PCDH15: variants seen among roughly 807,000 people sequenced by gnomAD.
PCDH15 encodes the protein protocadherin-15.
In PCDH15, 129 loss-of-function variants were observed where a neutral mutation model predicts 178.5. That is an observed-to-expected ratio of 0.72 (90% CI 0.63 to 0.84). PCDH15 has a LOEUF of 0.84. Ranked by LOEUF, PCDH15 falls within the 40% of genes least tolerant of loss-of-function variation. The pLI is 0.00. For missense variants in PCDH15, 2,230 were observed against 2,099.9 expected (o/e 1.06, Z -1.21); for synonymous variants, 800 against 732.0 (o/e 1.09, Z -1.50).
At chr10:55,280,659 A>G (rs778709208) in intron 1 of PCDH15, among the ~76,000 whole-genome samples, 20 of 151,974 alleles carry the variant, frequency 1.3e-4, no homozygotes, top group Non-Finnish European at 2.2e-4. Flanking sequence ...TCTTTATCAC[A>G]GTAATGATGA....
At chr10:54,055,213 A>T (rs76263386) in intron 18 of PCDH15, among the ~76,000 whole-genome samples, 3,128 of 152,274 alleles carry the variant, frequency 0.021, 115 homozygotes, top group African/African-American at 0.071. Flanking sequence ...ACAATATCTT[A>T]GCTAAGATTT....
chr10:54,415,158 A>T (rs1954135639), intron 3 of PCDH15, among the ~76,000 whole-genome samples: 1 of 152,066 alleles, frequency 6.6e-6, no homozygotes, highest in Non-Finnish European at 1.5e-5. Flanking sequence ...AAGAAAGTAC[A>T]TTGTGGTATA....
chr10:55,238,274 C>T (rs907156870), intron 1 of PCDH15, among the ~76,000 whole-genome samples: 2 of 151,452 alleles, frequency 1.3e-5, no homozygotes, highest in Non-Finnish European at 2.9e-5. Flanking sequence ...CTCAGCCTCC[C>T]GAGTAGTTGG....
chr10:54,374,891 T>C (rs1948178624), intron 4 of PCDH15, among the ~76,000 whole-genome samples: 1 of 152,100 alleles, frequency 6.6e-6, no homozygotes, highest in Admixed American at 6.6e-5. Flanking sequence ...ATGAAGATCA[T>C]GTTTATCAGC....
intron 2 of PCDH15, among the ~76,000 whole-genome samples, chr10:54,605,185 A>G (rs2092693855): frequency 6.6e-6 from 1 of 151,912 alleles, no homozygotes; most frequent in South Asian, 2.1e-4. Context: ...CCACAACCAC[A>G]ATAATATAGT....
chr10:55,350,024 A>C (rs1232481089), intron 2 of PCDH15, among the ~76,000 whole-genome samples: 2 of 151,598 alleles, frequency 1.3e-5, no homozygotes, highest in Non-Finnish European at 2.9e-5. Context: ...CCCAGCTCTA[A>C]GCCACTTCCT....
chr10:55,048,137 A>G (rs999011980), intron 2 of PCDH15, among the ~76,000 whole-genome samples: 22 of 151,940 alleles, frequency 1.4e-4, no homozygotes, highest in Non-Finnish European at 3.1e-4. Context: ...GAGGAGAATC[A>G]TGAAAAAAGT....
At chr10:54,381,397 C>A (rs71492607) in intron 3 of PCDH15, among the ~76,000 whole-genome samples, 8,105 of 152,130 alleles carry the variant, frequency 0.053, 260 homozygotes, top group Admixed American at 0.098. Context: ...TGGCAAGCAG[C>A]TAAACACCAG....
At chr10:54,917,623 C>T (rs1003243168) in intron 2 of PCDH15, among the ~76,000 whole-genome samples, 29 of 152,156 alleles carry the variant, frequency 1.9e-4, no homozygotes, top group African/African-American at 6.5e-4. Context: ...AAACTATGCT[C>T]TGTGACTTGA....
intron 2 of PCDH15, among the ~76,000 whole-genome samples, chr10:55,550,632 G>C (rs1227178839): frequency 6.6e-6 from 1 of 152,094 alleles, no homozygotes; most frequent in African/African-American, 2.4e-5. Context: ...AAAATATTTT[G>C]CTCTATTATT....
At chr10:54,946,931 T>C (rs942255242) in intron 2 of PCDH15, among the ~76,000 whole-genome samples, 1 of 151,920 alleles carries the variant, frequency 6.6e-6, no homozygotes, top group Non-Finnish European at 1.5e-5. Context: ...CTGTGTATAA[T>C]AAGGTACATC....
In PCDH15 at chr10:55,328,947, T is replaced by TATAG. The variant is rs1406319803; in HGVS notation, c.-155-162297_-155-162296insCTAT. ...ATATATATATATATATATATATATATATAAAATATATAATATGGGGATGTA... is the reference window on the plus strand; with the variant it reads ...ATATATATATATATATATATATATATATAGATAAAATATATAATATGGGGATGTA... On this transcript the variant is annotated intron_variant, in intron 2 of 5. Coordinates refer to the PCDH15 transcript ENST00000613346. 4.0e-5 allele frequency among the ~76,000 whole-genome samples: 5 copies of TATAG among 126,552 alleles called. No individual in the cohort carries two copies. The East Asian group carries it at 1.1e-3, about 28-fold the overall frequency. The allele number at this position is 126,552 out of a possible 152,430, so 83.0% of individuals were successfully genotyped here.
intron 1 of PCDH15, among the ~76,000 whole-genome samples, chr10:55,265,231 G>A (rs1842253473): frequency 6.6e-6 from 1 of 151,688 alleles, no homozygotes; most frequent in Non-Finnish European, 1.5e-5. Context: ...GCAAATCAAG[G>A]GGGATCTTGG....
At chr10:53,931,186 G>A (rs2085027746) in intron 25 of PCDH15, among the ~76,000 whole-genome samples, 1 of 152,286 alleles carries the variant, frequency 6.6e-6, no homozygotes, top group East Asian at 1.9e-4. Flanking sequence ...AAGCTCCTAA[G>A]CACATTCCCA....
At chr10:55,587,321 C>T (rs138878866) in intron 2 of PCDH15, among the ~76,000 whole-genome samples, 196 of 152,178 alleles carry the variant, frequency 1.3e-3, no homozygotes, top group African/African-American at 4.1e-3. Context: ...TATTTAAAAT[C>T]AACATTAATG....
intron 26 of PCDH15, among the ~76,000 whole-genome samples, chr10:53,878,512 G>A (rs1404297122): frequency 5.8e-5 from 7 of 121,702 alleles, no homozygotes; most frequent in African/African-American, 9.1e-5. Context: ...ATATATATAC[G>A]TGTGTGTGTG....
intron 18 of PCDH15, among the ~76,000 whole-genome samples, chr10:54,062,227 C>CAAAAAAAAAAAAAAAAAAAAA (rs72361686): frequency 3.2e-4 from 17 of 53,820 alleles, no homozygotes; most frequent in Non-Finnish European, 4.2e-4. Context: ...GATTCTGTCT[C>CAAAAAAAAAAAAAAAAAAAAA]AAAAAAAAAA....
intron 27 of PCDH15, among the ~76,000 whole-genome samples, chr10:53,863,802 C>A (rs1261657871): frequency 6.6e-6 from 1 of 152,092 alleles, no homozygotes; most frequent in Non-Finnish European, 1.5e-5. Context: ...ATTGAATCTA[C>A]TGCATAAGTA....
At chr10:54,647,526 C>T (rs977911342) in intron 2 of PCDH15, among the ~76,000 whole-genome samples, 1 of 151,974 alleles carries the variant, frequency 6.6e-6, no homozygotes, top group Non-Finnish European at 1.5e-5. Flanking sequence ...CTACTTGACT[C>T]TTCTTGCAAA....
Sources: gnomAD v4.1 joint callset for allele counts (sites outside exome capture counted in the v4.1 genomes callset) on GRCh38, gnomAD v4.1.1 for gene constraint, MANE v1.5 for transcripts, NCBI Gene and HGNC (gene_info 2026-07-23, HGNC 2026-07-21) for gene names.